The following MLLT3 variants were observed in gnomAD, a reference collection of about 807,000 sequenced individuals.
MLLT3 encodes the protein protein AF-9.
A neutral mutation model predicts 53.2 loss-of-function variants in MLLT3; 4 were observed. That is an observed-to-expected ratio of 0.08 (90% CI 0.04 to 0.17). The LOEUF is 0.17. MLLT3 is among the 10% of genes least tolerant of loss of function. The probability of loss-of-function intolerance (pLI) is 1.00; values close to 1 mark genes in which losing one functional copy is unlikely to be tolerated. For missense variants in MLLT3, 569 were observed against 684.0 expected, an observed-to-expected ratio of 0.83 and a Z score of 1.87; for synonymous variants, 283 against 230.6, an observed-to-expected ratio of 1.23 and a Z score of -2.06.
At chr9:20,361,060 C>T (rs1027496152) in intron 7 of MLLT3, among the ~76,000 whole-genome samples, 5 of 152,162 alleles carry the variant, frequency 3.3e-5, no homozygotes, top group East Asian at 1.9e-4. Context: ...GTTTCACAGA[C>T]GAGTAAACTG....
At chr9:20,590,703 T>C (rs1051493455) in intron 2 of MLLT3, among the ~76,000 whole-genome samples, 2 of 152,212 alleles carry the variant, frequency 1.3e-5, no homozygotes, top group African/African-American at 2.4e-5. Flanking sequence ...CAGTTCTTCA[T>C]AGCAGTGTGA....
chr9:20,588,465 T>G (rs1414688729), intron 2 of MLLT3, among the ~76,000 whole-genome samples: 2 of 152,212 alleles, frequency 1.3e-5, no homozygotes, highest in Non-Finnish European at 2.9e-5. Context: ...TGATTCTTCC[T>G]ACCCATGAGC....
Position 20,620,931 on chromosome 9 carries a change from C to T in MLLT3, c.13-97G>A. On this transcript the variant is annotated intron_variant, in intron 1 of 10. Coordinates refer to ENST00000380338, the MANE Select transcript of MLLT3 (RefSeq NM_004529.4). This position sits in a 1 kb window ranked among gnomAD's most constrained non-coding sequence, Gnocchi z 6.1. Reference sequence around the variant, plus strand: ...GACATTTTTTTCCTCCTTCTTGAAACGCACATAAAAGGAAACGGCGGTGCC... The same window carrying T: ...GACATTTTTTTCCTCCTTCTTGAAATGCACATAAAAGGAAACGGCGGTGCC... 1 of 1,392,170 alleles carries T rather than the reference C, an allele frequency of 7.2e-7. No individual in the cohort carries two copies. The highest frequency in any genetic ancestry group is 1.0e-6 in the Non-Finnish European group (1 of 994,078). 86.2% of individuals were successfully genotyped at this position (1,392,170 alleles called of 1,614,324 possible). A position where few individuals can be genotyped will look rare whatever the true frequency, so the allele number is the denominator to read the frequency against.
intron 5 of MLLT3, among the ~76,000 whole-genome samples, chr9:20,382,132 C>G (rs750866124): frequency 2.0e-5 from 3 of 151,606 alleles, no homozygotes; most frequent in Non-Finnish European, 4.4e-5. Context: ...CTATTTTTTT[C>G]TTAATTAGAT....
chr9:20,546,739 A>G (rs918331310), intron 2 of MLLT3, among the ~76,000 whole-genome samples: 10 of 152,198 alleles, frequency 6.6e-5, no homozygotes, highest in African/African-American at 2.4e-4. Flanking sequence ...AGGAACATCC[A>G]AGTCTTTACC....
rs149821498 is a variant in MLLT3 at position 20,507,737 on chromosome 9, A to G, written c.194-50951T>C. 7.5e-3 allele frequency among the ~76,000 whole-genome samples: 1,058 copies of G among 140,174 alleles called. 5 individuals are homozygous for G. The highest frequency in any genetic ancestry group is 0.012 in the Non-Finnish European group (787 of 66,130). The allele number at this position is 140,174 out of a possible 152,430, so 92.0% of individuals were successfully genotyped here. A position where few individuals can be genotyped will look rare whatever the true frequency, so the allele number is the denominator to read the frequency against. On this transcript the variant is annotated intron_variant, in intron 2 of 10. Coordinates refer to ENST00000380338, the MANE Select transcript of MLLT3 (RefSeq NM_004529.4). ...CAAAATGTCATGTAGTCTATTCCCAAAATGGAAAAAAAAAAAAAAAAACAA... is the reference window on the plus strand; with the variant it reads ...CAAAATGTCATGTAGTCTATTCCCAGAATGGAAAAAAAAAAAAAAAAACAA...
intron 2 of MLLT3, among the ~76,000 whole-genome samples, chr9:20,470,715 C>G (rs1824369142): frequency 6.6e-6 from 1 of 151,898 alleles, no homozygotes; most frequent in South Asian, 2.1e-4. Flanking sequence ...AGCTTCTACC[C>G]TAAACCAAAG....
At chr9:20,588,692 T>G (rs1250819892) in intron 2 of MLLT3, among the ~76,000 whole-genome samples, 21 of 152,230 alleles carry the variant, frequency 1.4e-4, no homozygotes, top group Non-Finnish European at 2.2e-4. Context: ...ACATTGATTT[T>G]GTATCCTGAG....
chr9:20,359,283 G>A (rs1201049392), intron 8 of MLLT3, among the ~76,000 whole-genome samples: 2 of 151,294 alleles, frequency 1.3e-5, no homozygotes, highest in African/African-American at 4.9e-5. Context: ...TCAGCTGATT[G>A]GCCATGATGC....
intron 2 of MLLT3, among the ~76,000 whole-genome samples, chr9:20,560,484 A>C (rs1232387606): frequency 6.6e-6 from 1 of 152,210 alleles, no homozygotes; most frequent in Non-Finnish European, 1.5e-5. Flanking sequence ...AAAGAGCAAA[A>C]ACAAGACAAA....
chr9:20,528,479 C>G (rs957302425), intron 2 of MLLT3, among the ~76,000 whole-genome samples: 4 of 152,222 alleles, frequency 2.6e-5, no homozygotes, highest in Non-Finnish European at 5.9e-5. Context: ...CCCCACAGTT[C>G]TGGAGGCGAG....
chr9:20,471,587 T>C (rs1473514167), intron 2 of MLLT3, among the ~76,000 whole-genome samples: 13 of 152,084 alleles, frequency 8.5e-5, no homozygotes, highest in Non-Finnish European at 1.0e-4. Flanking sequence ...GATTCTCCTA[T>C]CCATAAAACA....
intron 2 of MLLT3, among the ~76,000 whole-genome samples, chr9:20,467,515 CT>C (rs1824266176): frequency 6.6e-6 from 1 of 152,068 alleles, no homozygotes; most frequent in South Asian, 2.1e-4. Context: ...GAGGCGGAGG[CT>C]GCTGTGAGCC....
chr9:20,432,484 G>A (rs1013932519), intron 4 of MLLT3, among the ~76,000 whole-genome samples: 1 of 151,958 alleles, frequency 6.6e-6, no homozygotes, highest in African/African-American at 2.4e-5. Flanking sequence ...CTGGTCAAAG[G>A]TGTACAAACT....
chr9:20,415,520 A>G (rs987034182), intron 4 of MLLT3: 32 of 722,982 alleles, frequency 4.4e-5, no homozygotes, highest in Middle Eastern at 7.2e-4. Context: ...CAATACTAAA[A>G]GAAGAGCTCT....
intron 5 of MLLT3, among the ~76,000 whole-genome samples, chr9:20,388,890 C>T (rs1168126153): frequency 6.6e-6 from 1 of 152,142 alleles, no homozygotes; most frequent in Non-Finnish European, 1.5e-5. Flanking sequence ...ACAACCATCT[C>T]CCTCAACATA....
intron 2 of MLLT3, among the ~76,000 whole-genome samples, chr9:20,482,478 T>TTATAAAA (rs578204768): frequency 5.6e-4 from 85 of 152,350 alleles, no homozygotes; most frequent in African/African-American, 1.9e-3. Context: ...TCATTCTACC[T>TTATAAAA]TATAAAATGA....
chr9:20,587,053 C>T (rs1819987004), intron 2 of MLLT3, among the ~76,000 whole-genome samples: 1 of 151,948 alleles, frequency 6.6e-6, no homozygotes, highest in African/African-American at 2.4e-5. Flanking sequence ...TTTGATAAAA[C>T]CAAGTACAAA....
rs557362049 is a variant in MLLT3, at chr9:20,369,472, G to C, written c.1126-3728C>G. ...TTATCCAGAGGCAGCTTGAAAGAAC[G>C]CAATTGCCACTTAATGAAAACATTT... On this transcript the variant is annotated intron_variant, in intron 5 of 10. Transcript: ENST00000380338. Among the ~76,000 whole-genome samples the C allele has an allele frequency of 2.6e-5, 4 of 152,202 alleles. No individual in the cohort carries two copies. In the East Asian group the frequency reaches 7.7e-4, roughly 29 times the overall value.
Sources: gnomAD v4.1 joint callset for allele counts (sites outside exome capture counted in the v4.1 genomes callset) on GRCh38, gnomAD v4.1.1 for gene constraint, Gnocchi (gnomAD v3.1) non-coding constraint, MANE v1.5 for transcripts, NCBI Gene and HGNC (gene_info 2026-07-23, HGNC 2026-07-21) for gene names.